The following KIAA1217 variants were observed in gnomAD, a reference collection of about 807,000 sequenced individuals.
The protein encoded by KIAA1217 is KIAA1217.
In KIAA1217, 88 loss-of-function variants were observed where a neutral mutation model predicts 163.9. The observed-to-expected ratio is 0.54, with a 90% CI of 0.45 to 0.64. The LOEUF is 0.64. Ranked by LOEUF, KIAA1217 falls within the 30% of genes least tolerant of loss-of-function variation. The pLI, the probability that KIAA1217 is intolerant of heterozygous loss-of-function variation, is 0.00. For synonymous variants in KIAA1217, 903 were observed against 923.1 expected, an observed-to-expected ratio of 0.98 and a Z score of 0.39; for missense variants, 2,372 against 2,475.0, an observed-to-expected ratio of 0.96 and a Z score of 0.88.
intron 6 of KIAA1217, among the ~76,000 whole-genome samples, chr10:24,475,943 C>G (rs1306162583): frequency 6.6e-6 from 1 of 152,066 alleles, no homozygotes; most frequent in Non-Finnish European, 1.5e-5. Flanking sequence ...GACCAGAAAA[C>G]AATAAAGATA....
intron 2 of KIAA1217, among the ~76,000 whole-genome samples, chr10:24,230,562 T>C (rs2071264112): frequency 7.6e-6 from 1 of 131,184 alleles, no homozygotes; most frequent in Non-Finnish European, 1.6e-5. Flanking sequence ...CTGGAATGCA[T>C]CTTGGCAGGT....
At chr10:23,942,806 A>T (rs1843836279) in intron 1 of KIAA1217, among the ~76,000 whole-genome samples, 1 of 152,144 alleles carries the variant, frequency 6.6e-6, no homozygotes, top group Non-Finnish European at 1.5e-5. Context: ...AGTCCATGCA[A>T]CATGTCAAGA....
intron 1 of KIAA1217, among the ~76,000 whole-genome samples, chr10:23,742,477 C>T (rs962132385): frequency 1.8e-4 from 27 of 152,142 alleles, no homozygotes; most frequent in South Asian, 4.1e-4. Flanking sequence ...TGCTTGCATC[C>T]GCTCAGCTTC....
At chr10:23,891,735 G>C (rs144041267) in intron 1 of KIAA1217, among the ~76,000 whole-genome samples, 116 of 151,808 alleles carry the variant, frequency 7.6e-4, no homozygotes, top group African/African-American at 2.6e-3. Context: ...TATGTTTTTA[G>C]TGTTCTGGTT....
At chr10:24,466,854 C>T in intron 5 of KIAA1217, 8 of 915,084 alleles carry the variant, frequency 8.7e-6, no homozygotes, top group Non-Finnish European at 1.0e-5. Flanking sequence ...GTTTTCTCTG[C>T]TTACTTCATT....
At chr10:23,819,210 T>C (rs1392089042) in intron 1 of KIAA1217, among the ~76,000 whole-genome samples, 1 of 152,152 alleles carries the variant, frequency 6.6e-6, no homozygotes, top group East Asian at 1.9e-4. Flanking sequence ...ATGGCCACCA[T>C]GATAAAAGAC....
At chr10:24,525,652 G>A (rs756401009) in intron 13 of KIAA1217, among the ~76,000 whole-genome samples, 7 of 152,210 alleles carry the variant, frequency 4.6e-5, no homozygotes, top group East Asian at 1.9e-4. Context: ...AAGAATGAAC[G>A]GTAGAGCAGT....
Position 24,280,615 on chromosome 10 carries a change from T to G in KIAA1217, c.354+60706T>G, listed in dbSNP as rs1298668772. Among the ~76,000 whole-genome samples, 63 of 152,000 alleles carry G rather than the reference T, an allele frequency of 4.1e-4. 1 individual carries two copies. The highest frequency in any genetic ancestry group is 1.5e-3 in the African/African-American group (62 of 41,424). On this transcript the variant is annotated intron_variant, in intron 2 of 20. Transcript: ENST00000376454. The stretch of plus-strand genomic sequence containing the variant: ...TTGCGAGGTCAGGAGATCGAGACCA[T>G]CCTGGCTAACATGGTGAAACCCCAT...
chr10:23,879,467 A>G (rs953932958), intron 1 of KIAA1217, among the ~76,000 whole-genome samples: 1 of 151,966 alleles, frequency 6.6e-6, no homozygotes, highest in African/African-American at 2.4e-5. Context: ...AGTGTAGCAT[A>G]TTAAGGAAGA....
intron 13 of KIAA1217, 38 bp downstream of exon 13, chr10:24,524,802 G>T (rs751964696): frequency 1.3e-6 from 2 of 1,504,732 alleles, no homozygotes; most frequent in Admixed American, 1.9e-5. Context: ...CCCCATAAAG[G>T]AGTCTGATAC....
At chr10:24,161,005 C>T (rs2065093231) in intron 2 of KIAA1217, among the ~76,000 whole-genome samples, 1 of 152,160 alleles carries the variant, frequency 6.6e-6, no homozygotes, top group Admixed American at 6.5e-5. Flanking sequence ...TCTGTGAGTG[C>T]TTGACTTTTA....
intron 1 of KIAA1217, among the ~76,000 whole-genome samples, chr10:23,764,185 C>A (rs535771774): frequency 6.6e-6 from 1 of 152,148 alleles, no homozygotes; most frequent in East Asian, 1.9e-4. Context: ...GTTTCACAGC[C>A]AACTAACATA....
intron 1 of KIAA1217, among the ~76,000 whole-genome samples, chr10:23,730,133 C>T (rs1838394945): frequency 6.6e-6 from 1 of 152,096 alleles, no homozygotes; most frequent in East Asian, 1.9e-4. Flanking sequence ...AATCTCCTGA[C>T]CTCGTGATCT....
chr10:24,190,769 C>T lies in KIAA1217; in HGVS notation c.-170-28857C>T, dbSNP rs191755646. 2.8e-3 allele frequency among the ~76,000 whole-genome samples: 429 copies of T among 152,222 alleles called. 3 individuals carry two copies. The highest frequency in any genetic ancestry group is 9.7e-3 in the African/African-American group (401 of 41,542). ...CCAGGAAATGCCAGCCAGAGCTCTC[C>T]AATTAGCTACCATATGGATAGAGTC... On this transcript the variant is annotated intron_variant, in intron 2 of 18. Coordinates refer to the KIAA1217 transcript ENST00000376462.
intron 1 of KIAA1217, among the ~76,000 whole-genome samples, chr10:23,988,501 A>G (rs899804015): frequency 1.6e-4 from 25 of 152,190 alleles, no homozygotes; most frequent in African/African-American, 5.8e-4. Flanking sequence ...GCTTAGAATA[A>G]CTGGAGAGTT....
chr10:24,341,051 C>T (rs2047031669), intron 2 of KIAA1217, among the ~76,000 whole-genome samples: 1 of 152,184 alleles, frequency 6.6e-6, no homozygotes, highest in African/African-American at 2.4e-5. Context: ...CCTATAGATA[C>T]TGTGTTGTAC....
intron 10 of KIAA1217, among the ~76,000 whole-genome samples, chr10:24,518,459 T>C (rs2070553047): frequency 6.6e-6 from 1 of 152,180 alleles, no homozygotes; most frequent in African/African-American, 2.4e-5. Context: ...AGGCATATTG[T>C]ATAGAAGAGA....
chr10:24,303,347 T>G (rs1243777103), intron 2 of KIAA1217, among the ~76,000 whole-genome samples: 1 of 151,994 alleles, frequency 6.6e-6, no homozygotes. Flanking sequence ...CTTATATACT[T>G]AGTTAAAGCA....
rs539640510 is a variant in KIAA1217, at chr10:24,497,496, G to C, written c.1834+2300G>C. On this transcript the variant is annotated intron_variant, in intron 8 of 20. Transcript: ENST00000376454. ...GCCTGTAATCTCAGGACCTTGGAAG[G>C]CTGAAGTGGGAGGACTGCTTGAGGC... Among the ~76,000 whole-genome samples the C allele has an allele frequency of 1.2e-3, 182 of 152,254 alleles. 1 individual carries two copies. Among genetic ancestry groups the C allele is most frequent in the African/African-American group, 4.2e-3 (173 of 41,546 alleles).
Sources: allele counts gnomAD v4.1 joint callset (sites outside exome capture counted in the v4.1 genomes callset), GRCh38; gene constraint gnomAD v4.1.1; transcripts MANE v1.5; gene names NCBI Gene and HGNC (gene_info 2026-07-23, HGNC 2026-07-21).